SPIDR: variants seen among roughly 807,000 people sequenced by gnomAD.
SPIDR encodes the protein DNA repair-scaffolding protein.
SPIDR carries 93 observed loss-of-function variants against 104.6 expected under a neutral mutation model. The observed-to-expected ratio is 0.89, with a 90% CI of 0.75 to 1.06. SPIDR has a LOEUF of 1.06. Ranked by LOEUF, SPIDR falls within the 50% of genes least tolerant of loss-of-function variation. The probability of loss-of-function intolerance (pLI) is 0.00; values close to 1 mark genes in which losing one functional copy is unlikely to be tolerated. For synonymous variants in SPIDR, 431 were observed against 416.9 expected (o/e 1.03, Z -0.41); for missense variants, 1,154 against 1,111.2 (o/e 1.04, Z -0.55).
rs1341956185 is a variant in SPIDR, at chr8:47,588,026, C to CATATAAATATATATATAT, written c.1098-7780_1098-7779insAATATATATATATATATA. On this transcript the variant is annotated intron_variant, in intron 8 of 19. Transcript: ENST00000297423. ...CTTTCCTTGCAACTTTTAAAATTAG[C>CATATAAATATATATATAT]ATATATATATATATATATATATATA... Among the ~76,000 whole-genome samples, 3 of 23,412 alleles carry CATATAAATATATATATAT rather than the reference C, an allele frequency of 1.3e-4. 1 individual carries two copies. Among genetic ancestry groups the CATATAAATATATATATAT allele is most frequent in the Non-Finnish European group, 3.1e-4 (2 of 6,374 alleles). 15.4% of individuals were successfully genotyped at this position (23,412 alleles called of 152,430 possible).
chr8:47,677,700 A>G (rs1426383207), intron 11 of SPIDR, among the ~76,000 whole-genome samples: 2 of 152,230 alleles, frequency 1.3e-5, no homozygotes, highest in Non-Finnish European at 2.9e-5. Flanking sequence ...AAAACAGGAC[A>G]GGCAGAAGTA....
intron 5 of SPIDR, among the ~76,000 whole-genome samples, chr8:47,298,699 G>A (rs1469361265): frequency 1.3e-5 from 2 of 152,116 alleles, no homozygotes; most frequent in Non-Finnish European, 2.9e-5. Flanking sequence ...AGCACCATTT[G>A]TAAAATAGGG....
chr8:47,540,673 G>A (rs2154390823), intron 8 of SPIDR, among the ~76,000 whole-genome samples: 1 of 152,182 alleles, frequency 6.6e-6, no homozygotes, highest in East Asian at 1.9e-4. Context: ...ACCCTCTGTG[G>A]TCATTTTCTT....
At chr8:47,647,325 G>A (rs955244420) in intron 10 of SPIDR, among the ~76,000 whole-genome samples, 1 of 152,116 alleles carries the variant, frequency 6.6e-6, no homozygotes, top group Non-Finnish European at 1.5e-5. Flanking sequence ...TATAATGTAA[G>A]AAAGTAAGCC....
intron 5 of SPIDR, among the ~76,000 whole-genome samples, chr8:47,300,234 T>TGTG (rs1329550849): frequency 2.0e-5 from 3 of 152,244 alleles, no homozygotes; most frequent in Non-Finnish European, 4.4e-5. Flanking sequence ...CTAATTTATT[T>TGTG]GTGTAAAGGT....
intron 9 of SPIDR, among the ~76,000 whole-genome samples, chr8:47,597,949 A>G (rs1309376434): frequency 6.6e-6 from 1 of 152,206 alleles, no homozygotes; most frequent in Admixed American, 6.5e-5. Flanking sequence ...TCAAGGGAGG[A>G]AGAATACGAA....
At chr8:47,393,293 C>A (rs879963744) in intron 5 of SPIDR, among the ~76,000 whole-genome samples, 1 of 152,154 alleles carries the variant, frequency 6.6e-6, no homozygotes, top group Non-Finnish European at 1.5e-5. Flanking sequence ...TCTTTTCAGT[C>A]CACCTCTCTA....
chr8:47,304,655 A>G (rs2042819906), intron 5 of SPIDR, among the ~76,000 whole-genome samples: 3 of 152,140 alleles, frequency 2.0e-5, no homozygotes, highest in Admixed American at 1.3e-4. Context: ...CATGAGTGAA[A>G]GCTCCCTGAG....
intron 1 of SPIDR, among the ~76,000 whole-genome samples, chr8:47,264,601 G>A (rs2033460618): frequency 6.6e-6 from 1 of 151,160 alleles, no homozygotes; most frequent in Non-Finnish European, 1.5e-5. Flanking sequence ...ATATACTCCT[G>A]TTCTTGGGCA....
chr8:47,447,035 A>G (rs1311789437), intron 8 of SPIDR, among the ~76,000 whole-genome samples: 1 of 152,190 alleles, frequency 6.6e-6, no homozygotes, highest in African/African-American at 2.4e-5. Context: ...AACCCTCTTC[A>G]GTGACTTCAG....
chr8:47,274,432 A>G (rs1042423067), intron 1 of SPIDR, among the ~76,000 whole-genome samples: 10 of 152,284 alleles, frequency 6.6e-5, no homozygotes, highest in Middle Eastern at 6.8e-3. Context: ...GTTGAGATAC[A>G]TTCTCCAGTA....
chr8:47,277,469 G>A (rs1416931549), intron 1 of SPIDR, among the ~76,000 whole-genome samples: 3 of 151,150 alleles, frequency 2.0e-5, no homozygotes, highest in Non-Finnish European at 2.9e-5. Context: ...GGGCTCAAGC[G>A]ATTGTCTCGC....
rs977737703 is a variant in SPIDR at position 47,467,256 on chromosome 8, C to G, written c.1097+26714C>G. 6.5e-4 allele frequency among the ~76,000 whole-genome samples: 99 copies of G among 152,194 alleles called. 2 individuals carry two copies. The highest frequency in any genetic ancestry group is 2.2e-3 in the African/African-American group (93 of 41,540). On this transcript the variant is annotated intron_variant, in intron 8 of 19. Coordinates refer to ENST00000297423, the MANE Select transcript of SPIDR (RefSeq NM_001080394.4). ...CAACCAAAAAAAGCCCAGGACCAGA[C>G]AGATTCACAGCTGAATTCTACCAGA...
intron 6 of SPIDR, among the ~76,000 whole-genome samples, chr8:47,399,931 T>C (rs951892172): frequency 6.6e-6 from 1 of 152,094 alleles, no homozygotes; most frequent in Non-Finnish European, 1.5e-5. Flanking sequence ...GTTGAGCCGC[T>C]GGAGGGAGGC....
intron 9 of SPIDR, among the ~76,000 whole-genome samples, chr8:47,596,653 A>G (rs2061651508): frequency 6.6e-6 from 1 of 152,150 alleles, no homozygotes; most frequent in African/African-American, 2.4e-5. Flanking sequence ...GCACTACACT[A>G]AATTAAATTT....
At chr8:47,377,305 GT>G (rs1473060900) in intron 5 of SPIDR, among the ~76,000 whole-genome samples, 3 of 152,204 alleles carry the variant, frequency 2.0e-5, no homozygotes, top group Non-Finnish European at 2.9e-5. Flanking sequence ...TAAACTTTGT[GT>G]GTTTGGGGTC....
chr8:47,542,378 C>A (rs987404182), intron 8 of SPIDR, among the ~76,000 whole-genome samples: 1 of 151,880 alleles, frequency 6.6e-6, no homozygotes, highest in Non-Finnish European at 1.5e-5. Context: ...CCCAGAGTTG[C>A]GTGAGTGACT....
chr8:47,567,780 C>CTTTTTTTTT (rs35199139), intron 8 of SPIDR, among the ~76,000 whole-genome samples: 15 of 71,008 alleles, frequency 2.1e-4, no homozygotes, highest in East Asian at 9.4e-4. Flanking sequence ...TTTTCTTTTT[C>CTTTTTTTTT]TTTTTTTTTT....
At chr8:47,467,195 T>G (rs2075008349) in intron 8 of SPIDR, among the ~76,000 whole-genome samples, 1 of 152,020 alleles carries the variant, frequency 6.6e-6, no homozygotes, top group South Asian at 2.1e-4. Context: ...AGACCAGTAA[T>G]GAGCTCCAAA....
Sources: gnomAD v4.1 joint callset for allele counts (sites outside exome capture counted in the v4.1 genomes callset) on GRCh38, gnomAD v4.1.1 for gene constraint, MANE v1.5 for transcripts, NCBI Gene and HGNC (gene_info 2026-07-23, HGNC 2026-07-21) for gene names.